The following ERCC4 variants were observed in gnomAD, a reference collection of about 807,000 sequenced individuals.
ERCC4 encodes the protein DNA repair endonuclease XPF.
Under a neutral mutation model 76.9 loss-of-function variants are expected in ERCC4, and 65 were observed. That is an observed-to-expected ratio of 0.84 (90% CI 0.69 to 1.04). The LOEUF is 1.04. Ranked by LOEUF, ERCC4 falls within the 50% of genes least tolerant of loss-of-function variation. The probability of loss-of-function intolerance (pLI) is 0.00; values close to 1 mark genes in which losing one functional copy is unlikely to be tolerated. For missense variants in ERCC4, 1,214 were observed against 1,128.2 expected (o/e 1.08, Z -1.09); for synonymous variants, 463 against 410.1 (o/e 1.13, Z -1.56).
intron 1 of ERCC4, among the ~76,000 whole-genome samples, chr16:13,921,507 A>G (rs1371288600): frequency 6.6e-6 from 1 of 152,186 alleles, no homozygotes; most frequent in Non-Finnish European, 1.5e-5. Context: ...AGTGCTTGGC[A>G]TAGGGCCTAA....
chr16:13,937,673 C>G, intron 8 of ERCC4, 93 bp from the exon 9 acceptor site: 2 of 785,580 alleles, frequency 2.5e-6, no homozygotes, highest in Non-Finnish European at 4.6e-6. Flanking sequence ...GTTATTTGAG[C>G]GCTCTAGGTT....
At chr16:13,940,055 G>T (rs902006323) in intron 9 of ERCC4, among the ~76,000 whole-genome samples, 4 of 152,168 alleles carry the variant, frequency 2.6e-5, no homozygotes, top group Non-Finnish European at 5.9e-5. Flanking sequence ...AGTCAGAAAA[G>T]GTGTTATACT....
rs1425172419 is a variant in ERCC4 at position 13,920,252 on chromosome 16, T to A, written c.87T>A (p.Thr29=). 2 of 1,607,656 alleles carry A rather than the reference T, an allele frequency of 1.2e-6. No homozygotes were observed. The highest frequency in any genetic ancestry group is 3.3e-5 in the Admixed American group (2 of 60,028). The change falls in exon 1 of 11, where the codon ACT becomes ACA. Residue 29 remains threonine (T), a synonymous_variant. Coordinates refer to ENST00000311895, the MANE Select transcript of ERCC4 (RefSeq NM_005236.3). ...ERQLVLELLD[T]DGLVVCARGL... Reference sequence around the variant, plus strand: ...AGCTGGTGCTGGAACTGCTCGACACTGACGGGCTAGTAGTGTGCGCCCGCG... The same window carrying A: ...AGCTGGTGCTGGAACTGCTCGACACAGACGGGCTAGTAGTGTGCGCCCGCG...
chr16:13,924,544 A>G (rs2032038261), intron 2 of ERCC4, among the ~76,000 whole-genome samples: 1 of 152,220 alleles, frequency 6.6e-6, no homozygotes, highest in African/African-American at 2.4e-5. Context: ...GGTGCTGAAG[A>G]TAGACAGATG....
intron 3 of ERCC4, chr16:13,927,471 A>C (rs1453804711): frequency 6.4e-6 from 1 of 157,390 alleles, no homozygotes; most frequent in East Asian, 1.9e-4. Context: ...AGGCAGGAGA[A>C]TCACTTGAAC....
chr16:13,925,695 A>G (rs551968607), intron 2 of ERCC4, among the ~76,000 whole-genome samples: 2 of 152,206 alleles, frequency 1.3e-5, no homozygotes, highest in Non-Finnish European at 2.9e-5. Flanking sequence ...AAATATATAT[A>G]AGGTAACCAG....
rs753596005 is a variant in ERCC4 at position 13,920,197 on chromosome 16, C to T, written c.32C>T (p.Ala11Val). The T allele has an allele frequency of 1.2e-6, 2 of 1,606,948 alleles. No individual in the cohort carries two copies. Among genetic ancestry groups the T allele is most frequent in the East Asian group, 2.2e-5 (1 of 44,886 alleles). ...TCAGGGCAGCCGGCTCGACGGATTG[C>T]CATGGCGCCGCTGCTGGAGTACGAG... is the stretch of plus-strand genomic sequence containing the variant. The part of the protein sequence containing the change: MESGQPARRI[A>V]MAPLLEYERQ... Residue 11 changes from alanine to valine, a missense_variant, in exon 1 of 11, where the codon GCC (alanine) becomes GTC (valine). Transcript: ENST00000311895.
chr16:13,921,275 T>C (rs948341185), intron 1 of ERCC4, among the ~76,000 whole-genome samples: 1 of 152,062 alleles, frequency 6.6e-6, no homozygotes, highest in Non-Finnish European at 1.5e-5. Context: ...GCTGAGGATG[T>C]TGGCAAAGGT....
Position 13,949,158 on chromosome 16 carries a change from T to C in ERCC4, c.*811T>C, listed in dbSNP as rs985736999. The C allele has an allele frequency of 3.4e-5, 8 of 233,078 alleles. No individual in the cohort carries two copies. Among genetic ancestry groups the C allele is most frequent in the African/African-American group, 1.8e-4 (8 of 45,342 alleles). The allele number at this position is 233,078 out of a possible 1,614,324, so 14.4% of individuals were successfully genotyped here. A position where few individuals can be genotyped will look rare whatever the true frequency, so the allele number is the denominator to read the frequency against. ...TTTTTAAAGCAAAATGAATTACCTG[T>C]TTGCAAAAGTTAATGATGAAGGAGC... On this transcript the variant is annotated 3_prime_UTR_variant, in exon 11 of 11. Transcript: ENST00000311895.
intron 3 of ERCC4, 118 bp from the exon 4 acceptor site, chr16:13,927,910 T>G: frequency 2.7e-6 from 2 of 729,438 alleles, no homozygotes; most frequent in East Asian, 2.6e-5. Context: ...TTCATTTGTT[T>G]GTTGTTTTGC....
chr16:13,938,766 G>A (rs1487284189), intron 9 of ERCC4, among the ~76,000 whole-genome samples: 1 of 152,200 alleles, frequency 6.6e-6, no homozygotes, highest in East Asian at 1.9e-4. Flanking sequence ...CAAGACCCTA[G>A]GCCAAATTTC....
intron 5 of ERCC4, chr16:13,931,305 T>G: frequency 4.9e-6 from 1 of 205,104 alleles, no homozygotes; most frequent in South Asian, 8.4e-5. Context: ...TAGGGAAATA[T>G]ACATATACAG....
Position 13,943,479 on chromosome 16 carries a change from C to G in ERCC4, c.1905-1244C>G, listed in dbSNP as rs1467360504. On this transcript the variant is annotated intron_variant, in intron 9 of 10. Coordinates refer to ENST00000311895, the MANE Select transcript of ERCC4 (RefSeq NM_005236.3). ...AACCATCAGATCTCGTGAGAACTCACTCACTATCATGAGAATAACATGGGG... is the reference window on the plus strand; with the variant it reads ...AACCATCAGATCTCGTGAGAACTCAGTCACTATCATGAGAATAACATGGGG... Among the ~76,000 whole-genome samples, 3 of 152,196 alleles carry G rather than the reference C, an allele frequency of 2.0e-5. No individual in the cohort carries two copies. In the East Asian group the frequency reaches 5.8e-4, roughly 29 times the overall value.
chr16:13,924,172 C>G (rs150182424), intron 2 of ERCC4, among the ~76,000 whole-genome samples: 1 of 152,186 alleles, frequency 6.6e-6, no homozygotes, highest in South Asian at 2.1e-4. Context: ...AAGAGCAGTG[C>G]GTGAAGTGCA....
At chr16:13,938,432 C>T (rs1434115835) in intron 9 of ERCC4, among the ~76,000 whole-genome samples, 3 of 152,092 alleles carry the variant, frequency 2.0e-5, no homozygotes, top group Non-Finnish European at 2.9e-5. Flanking sequence ...TTCCATTTTA[C>T]GAAAGGAAAA....
At chr16:13,922,525 T>G in intron 2 of ERCC4, 1 of 735,738 alleles carries the variant, frequency 1.4e-6, no homozygotes, top group South Asian at 1.4e-5. Context: ...TTCAGAAATG[T>G]CCCTGACTGC....
At position 13,943,621 on chromosome 16, in the gene ERCC4, A is replaced by G. The variant is rs377528772; in HGVS notation, c.1905-1102A>G. On this transcript the variant is annotated intron_variant, in intron 9 of 10. Transcript: ENST00000311895. ...GTGGGGACCCAGCCAGACCATATCA[A>G]TGGGAAAATCTTGGTTGTTTTAACC... Among the ~76,000 whole-genome samples, 47 of 152,360 alleles carry G rather than the reference A, an allele frequency of 3.1e-4. 1 individual carries two copies. In the South Asian group the frequency reaches 8.3e-3, roughly 27 times the overall value.
chr16:13,940,348 A>G (rs574754969), intron 9 of ERCC4, among the ~76,000 whole-genome samples: 8 of 152,012 alleles, frequency 5.3e-5, no homozygotes, highest in African/African-American at 7.2e-5. Context: ...AGATCGTGCC[A>G]CTGCACTCCA....
chr16:13,930,573 A>T, intron 4 of ERCC4, 137 bp from the exon 5 acceptor site: 1 of 651,160 alleles, frequency 1.5e-6, no homozygotes, highest in Admixed American at 2.9e-5. Context: ...TATTGTAGTA[A>T]AATATATATG....
Sources: allele counts gnomAD v4.1 joint callset (sites outside exome capture counted in the v4.1 genomes callset), GRCh38; gene constraint gnomAD v4.1.1; transcripts MANE v1.5; gene names NCBI Gene and HGNC (gene_info 2026-07-23, HGNC 2026-07-21).